UBE2O: variants seen among roughly 807,000 people sequenced by gnomAD.
UBE2O encodes the protein (E3-independent) E2 ubiquitin-conjugating enzyme.
Under a neutral mutation model 125.8 loss-of-function variants are expected in UBE2O, and 15 were observed. The observed-to-expected ratio is 0.12, with a 90% CI of 0.08 to 0.18. UBE2O has a LOEUF of 0.18. Ranked by LOEUF, UBE2O falls within the 10% of genes least tolerant of loss-of-function variation. The pLI, the probability that UBE2O is intolerant of heterozygous loss-of-function variation, is 1.00. For synonymous variants in UBE2O, 708 were observed against 703.2 expected (o/e 1.01, Z -0.11); for missense variants, 1,280 against 1,723.6 (o/e 0.74, Z 4.56).
chr17:76,389,563 C>T lies in UBE2O; in HGVS notation c.*1380G>A, dbSNP rs920008378. 1 of 150,400 alleles carries T rather than the reference C, an allele frequency of 6.6e-6. No homozygotes were observed. The highest frequency in any genetic ancestry group is 1.5e-5 in the Non-Finnish European group (1 of 67,692). 9.3% of individuals were successfully genotyped at this position (150,400 alleles called of 1,614,324 possible). On this transcript the variant is annotated 3_prime_UTR_variant, in exon 18 of 18. Transcript: ENST00000319380. ...TAAAAAAAAGTTTAATCACACAGCA[C>T]TTTATACAGATATCGTAAGCAGTAG...
chr17:76,415,078 A>G (rs1420432247), intron 1 of UBE2O, among the ~76,000 whole-genome samples: 3 of 152,154 alleles, frequency 2.0e-5, no homozygotes, highest in Middle Eastern at 3.2e-3. Flanking sequence ...GGACTGCTCC[A>G]TTTCAGATGC....
intron 1 of UBE2O, among the ~76,000 whole-genome samples, chr17:76,421,657 G>A (rs9894536): frequency 0.17 from 25,850 of 152,150 alleles, 2,452 homozygotes; most frequent in East Asian, 0.4. Flanking sequence ...GAGCCACCAC[G>A]CCCGGCCCTG....
At position 76,396,662 on chromosome 17, in the gene UBE2O, G is replaced by A. The variant is rs370517188; in HGVS notation, c.2275C>T (p.Pro759Ser). The A allele has an allele frequency of 3.8e-5, 62 of 1,613,528 alleles. No homozygotes were observed. Among genetic ancestry groups the A allele is most frequent in the Admixed American group, 5.0e-5 (3 of 59,982 alleles). Residue 759 changes from proline (P) to serine (S), a missense_variant, in exon 14 of 18, where the codon CCC becomes TCC. Around this residue, in one of 10 missense-constraint regions of UBE2O, gnomAD observed 210 missense variants for 268.9 expected, o/e 0.78. Transcript: ENST00000319380. The surrounding 1 kb of genome is among the most constrained non-coding windows in gnomAD (Gnocchi z 6.7). ...EDEHPKIEEP[P>S]IPPLEQPVAP... ...ACCGGCTGCTCCAGGGGTGGGATGG[G>A]GGGCTCCTCTATCTTGGGGTGCTCG...
In UBE2O at chr17:76,452,125, C is replaced by G. The variant is rs1311555162; in HGVS notation, c.417+600G>C. On this transcript the variant is annotated intron_variant, in intron 1 of 17. Coordinates refer to ENST00000319380, the MANE Select transcript of UBE2O (RefSeq NM_022066.4). This position sits in a 1 kb window ranked among gnomAD's most constrained non-coding sequence, Gnocchi z 4.4. Reference sequence around the variant, plus strand: ...CCCAAGTACTATTCATACCGGGGCTCTGATTGCTAATGATTTTACTCACAA... The same window carrying G: ...CCCAAGTACTATTCATACCGGGGCTGTGATTGCTAATGATTTTACTCACAA... 6.6e-6 allele frequency among the ~76,000 whole-genome samples: 1 copy of G among 152,096 alleles called. No homozygotes were observed. The highest frequency in any genetic ancestry group is 2.4e-5 in the African/African-American group (1 of 41,398).
At position 76,396,687 on chromosome 17, in the gene UBE2O, G is replaced by C. The variant is rs150263578; in HGVS notation, c.2250C>G (p.Asp750Glu). ...GGGGCTCCTCTATCTTGGGGTGCTC[G>C]TCCTCCACCAGCCCATTGTCCGTCT... Reference protein sequence around the residue: ...SWETDNGLVEDEHPKIEEPPI... With the variant: ...SWETDNGLVEEEHPKIEEPPI... Residue 750 changes from aspartate to glutamate, a missense_variant, in exon 14 of 18, where the codon GAC (aspartate) becomes GAG (glutamate). Physicochemically the swap from Asp to Glu is conservative, Grantham distance 45. Coordinates refer to ENST00000319380, the MANE Select transcript of UBE2O (RefSeq NM_022066.4). This position sits in a 1 kb window ranked among gnomAD's most constrained non-coding sequence, Gnocchi z 6.7. 37 of 1,613,676 alleles carry C rather than the reference G, an allele frequency of 2.3e-5. No individual in the cohort carries two copies. The African/African-American group carries it at 4.7e-4, about 20-fold the overall frequency.
Position 76,396,750 on chromosome 17 carries a change from T to A in UBE2O, c.2187A>T (p.Ala729=). The change falls in exon 14 of 18, where the codon GCA becomes GCT. Residue 729 remains alanine (A), a synonymous_variant. Coordinates refer to ENST00000319380, the MANE Select transcript of UBE2O (RefSeq NM_022066.4). This position sits in a 1 kb window ranked among gnomAD's most constrained non-coding sequence, Gnocchi z 6.7. ...YDSVEGSTSG[A]SSDEWEDDSD... ...TATCATCTTCCCATTCATCCGAGGA[T>A]GCCCCGCTGGTGCTGCCTTCTACCG... 1 of 1,613,820 alleles carries A rather than the reference T, an allele frequency of 6.2e-7. No individual in the cohort carries two copies. The highest frequency in any genetic ancestry group is 8.5e-7 in the Non-Finnish European group (1 of 1,179,846).
In UBE2O at chr17:76,398,205, G is replaced by A. The variant is rs1429801014; in HGVS notation, c.2025+50C>T. 1 of 1,611,448 alleles carries A rather than the reference G, an allele frequency of 6.2e-7. No individual in the cohort carries two copies. The highest frequency in any genetic ancestry group is 2.2e-5 in the East Asian group (1 of 44,842). On this transcript the variant is annotated intron_variant, in intron 12 of 17. Transcript: ENST00000319380. The surrounding 1 kb of genome is among the most constrained non-coding windows in gnomAD (Gnocchi z 5.4). ...GGTGGCAGCATCAGGGACTGCAGCT[G>A]GTGCACAGGGCAGTGAGCAGCCATC...
chr17:76,413,586 T>TATAA (rs2072552599), intron 1 of UBE2O, among the ~76,000 whole-genome samples: 2 of 152,220 alleles, frequency 1.3e-5, no homozygotes, highest in Admixed American at 1.3e-4. Flanking sequence ...CGGGTCATGA[T>TATAA]ATAAAATGTG....
chr17:76,398,775 GC>G lies in UBE2O; in HGVS notation c.1783+61del. ...CAGATCCACTGCCCATTCTCCACAA[GC>G]CCCAACCCGGGCCCTCATTGGCGAC... On this transcript the variant is annotated intron_variant, in intron 10 of 17. Coordinates refer to ENST00000319380, the MANE Select transcript of UBE2O (RefSeq NM_022066.4). This position sits in a 1 kb window ranked among gnomAD's most constrained non-coding sequence, Gnocchi z 5.4. The G allele has an allele frequency of 6.3e-7, 1 of 1,583,392 alleles. No homozygotes were observed. Among genetic ancestry groups the G allele is most frequent in the South Asian group, 1.2e-5 (1 of 86,480 alleles).
rs1341485650 is a variant in UBE2O at position 76,405,966 on chromosome 17, C to T, written c.418-394G>A. 6.6e-6 allele frequency among the ~76,000 whole-genome samples: 1 copy of T among 152,246 alleles called. No homozygotes were observed. The highest frequency in any genetic ancestry group is 1.5e-5 in the Non-Finnish European group (1 of 68,042). ...CGTTCAATCTTTTTTCTGCCCTCTGCAAGTGCCTGCCCTAGCTGATCAGTG... is the reference window on the plus strand; with the variant it reads ...CGTTCAATCTTTTTTCTGCCCTCTGTAAGTGCCTGCCCTAGCTGATCAGTG... On this transcript the variant is annotated intron_variant, in intron 1 of 17. Transcript: ENST00000319380. The surrounding 1 kb of genome is among the most constrained non-coding windows in gnomAD (Gnocchi z 6.1).
At chr17:76,393,194 G>A (rs1258478499) in intron 15 of UBE2O, among the ~76,000 whole-genome samples, 1 of 151,812 alleles carries the variant, frequency 6.6e-6, no homozygotes, top group African/African-American at 2.4e-5. Context: ...GGAGGCTGAG[G>A]CTGCAGTGAG....
chr17:76,444,593 A>C lies in UBE2O; in HGVS notation c.417+8132T>G, dbSNP rs189620153. ...CAGCAAATGCAGTGATCAGAAATTC[A>C]CTAGTCATTTGTGACCTTCAGGGGA... On this transcript the variant is annotated intron_variant, in intron 1 of 17. Transcript: ENST00000319380. Among the ~76,000 whole-genome samples the C allele has an allele frequency of 9.2e-5, 14 of 152,322 alleles. No homozygotes were observed. In the East Asian group the frequency reaches 2.7e-3, roughly 29 times the overall value.
At chr17:76,412,289 C>G (rs1404883652) in intron 1 of UBE2O, among the ~76,000 whole-genome samples, 1 of 152,158 alleles carries the variant, frequency 6.6e-6, no homozygotes, top group Non-Finnish European at 1.5e-5. Flanking sequence ...AGACCAGATT[C>G]CTAAAAGGAA....
In UBE2O at chr17:76,453,142, A is replaced by G; in HGVS notation, c.-1T>C. On this transcript the variant is annotated 5_prime_UTR_variant, in exon 1 of 18. Transcript: ENST00000319380. The stretch of plus-strand genomic sequence containing the variant: ...GCGTGGGGGCTGCGGGATCCGCCAT[A>G]ACTGCTCTGCGCGAGTCTCGGGCGG... 1 of 612,126 alleles carries G rather than the reference A, an allele frequency of 1.6e-6. No homozygotes were observed. The highest frequency in any genetic ancestry group is 2.4e-6 in the Non-Finnish European group (1 of 415,876). 37.9% of individuals were successfully genotyped at this position (612,126 alleles called of 1,614,324 possible).
intron 1 of UBE2O, chr17:76,430,910 C>T: frequency 2.4e-6 from 1 of 410,274 alleles, no homozygotes; most frequent in Non-Finnish European, 4.8e-6. Flanking sequence ...TCTTGCCATC[C>T]TAGCCTTTCA....
intron 1 of UBE2O, among the ~76,000 whole-genome samples, chr17:76,436,666 C>T (rs1275750042): frequency 6.6e-6 from 1 of 152,158 alleles, no homozygotes; most frequent in Non-Finnish European, 1.5e-5. Context: ...TCCAAGGTTC[C>T]TCACAACTCC....
chr17:76,398,400 G>A lies in UBE2O; in HGVS notation c.1897-17C>T. On this transcript the variant is annotated splice_polypyrimidine_tract_variant and intron_variant, in intron 11 of 17. Coordinates refer to ENST00000319380, the MANE Select transcript of UBE2O (RefSeq NM_022066.4). This position sits in a 1 kb window ranked among gnomAD's most constrained non-coding sequence, Gnocchi z 5.4. ...TCCAATCAGCTGTGGCACAGGACAG[G>A]TTGTCATGAGCTAGGGGTCCTACAC... 6.2e-7 allele frequency: 1 copy of A among 1,614,100 alleles called. No homozygotes were observed.
rs2072272709 is a variant in UBE2O at position 76,399,291 on chromosome 17, C to G, written c.1628+158G>C. 2 of 810,306 alleles carry G rather than the reference C, an allele frequency of 2.5e-6. No homozygotes were observed. The highest frequency in any genetic ancestry group is 3.9e-6 in the Non-Finnish European group (2 of 515,270). The allele number at this position is 810,306 out of a possible 1,614,324, so 50.2% of individuals were successfully genotyped here. ...CTCAGTCTCTGCTTTCCACCAGGGCCTACCCCAGGCACCTACGTTGTCTCG... is the reference window on the plus strand; with the variant it reads ...CTCAGTCTCTGCTTTCCACCAGGGCGTACCCCAGGCACCTACGTTGTCTCG... On this transcript the variant is annotated intron_variant, in intron 9 of 17. Coordinates refer to ENST00000319380, the MANE Select transcript of UBE2O (RefSeq NM_022066.4). This position sits in a 1 kb window ranked among gnomAD's most constrained non-coding sequence, Gnocchi z 6.9.
At chr17:76,408,249 G>A (rs183514798) in intron 1 of UBE2O, among the ~76,000 whole-genome samples, 8 of 152,330 alleles carry the variant, frequency 5.3e-5, no homozygotes, top group South Asian at 2.1e-4. Flanking sequence ...TGCTCCTGGC[G>A]AATGCAAGAG....
Sources: gnomAD v4.1 joint callset for allele counts (sites outside exome capture counted in the v4.1 genomes callset) on GRCh38, gnomAD v4.1.1 for gene constraint, gnomAD v4.1.1 regional missense constraint, Gnocchi (gnomAD v3.1) non-coding constraint, MANE v1.5 for transcripts, NCBI Gene and HGNC (gene_info 2026-07-23, HGNC 2026-07-21) for gene names.